ANO10: variants seen among roughly 807,000 people sequenced by gnomAD.
The protein encoded by ANO10 is anoctamin-10.
In ANO10, 77 loss-of-function variants were observed where a neutral mutation model predicts 74.7. The observed-to-expected ratio is 1.03, with a 90% CI of 0.86 to 1.25. The LOEUF is 1.25. Among genes scored for constraint, ANO10 ranks in the 50% most tolerant of loss-of-function variants. The pLI is 0.00. For synonymous variants in ANO10, 279 were observed against 284.9 expected, an observed-to-expected ratio of 0.98 and a Z score of 0.21; for missense variants, 721 against 778.1, an observed-to-expected ratio of 0.93 and a Z score of 0.87.
chr3:43,510,379 C>A (rs537190820), intron 11 of ANO10, among the ~76,000 whole-genome samples: 2 of 146,946 alleles, frequency 1.4e-5, no homozygotes, highest in African/African-American at 5.1e-5. Context: ...TGCAGTGAGC[C>A]GAGATTGTGC....
intron 12 of ANO10, among the ~76,000 whole-genome samples, chr3:43,412,482 G>A (rs1036867083): frequency 1.3e-5 from 2 of 152,182 alleles, no homozygotes; most frequent in Non-Finnish European, 2.9e-5. Context: ...CAGCTGCTCT[G>A]GCGCATTCTC....
chr3:43,398,193 A>C lies in ANO10; in HGVS notation c.1915-31219T>G, dbSNP rs966591538. On this transcript the variant is annotated intron_variant, in intron 12 of 12. Transcript: ENST00000292246. The stretch of plus-strand genomic sequence containing the variant: ...GGTTGTTTAGAACAAATAACAACAA[A>C]TATTGATATGGCAACTTAACAACAA... 6.6e-5 allele frequency among the ~76,000 whole-genome samples: 10 copies of C among 152,368 alleles called. No individual in the cohort carries two copies. In the East Asian group the frequency reaches 7.7e-4, roughly 12 times the overall value.
chr3:43,480,079 T>C (rs2076209528), intron 11 of ANO10, among the ~76,000 whole-genome samples: 1 of 152,150 alleles, frequency 6.6e-6, no homozygotes, highest in Non-Finnish European at 1.5e-5. Context: ...GGTGGGAACA[T>C]TCAGAGAATA....
At chr3:43,543,033 A>G (rs2079023703) in intron 11 of ANO10, among the ~76,000 whole-genome samples, 1 of 152,210 alleles carries the variant, frequency 6.6e-6, no homozygotes, top group Admixed American at 6.5e-5. Context: ...AGTCAAGGGA[A>G]TGGGCTCACA....
intron 11 of ANO10, among the ~76,000 whole-genome samples, chr3:43,457,782 G>A (rs1286249107): frequency 6.6e-6 from 1 of 152,158 alleles, no homozygotes; most frequent in African/African-American, 2.4e-5. Context: ...CTGCAAGGAG[G>A]AGATCAGTAC....
At chr3:43,555,250 A>T (rs2079682719) in intron 10 of ANO10, 28 bp downstream of exon 10, 1 of 1,606,634 alleles carries the variant, frequency 6.2e-7, no homozygotes, top group Non-Finnish European at 8.5e-7. Context: ...TATTTTTTAA[A>T]GGAATAATTT....
chr3:43,671,854 A>G (rs749437235), intron 1 of ANO10, among the ~76,000 whole-genome samples: 2 of 152,204 alleles, frequency 1.3e-5, no homozygotes, highest in Non-Finnish European at 2.9e-5. Flanking sequence ...AAGAGACTTC[A>G]CTAAGGAGAG....
chr3:43,378,627 A>G (rs2091877685), intron 12 of ANO10, among the ~76,000 whole-genome samples: 1 of 152,202 alleles, frequency 6.6e-6, no homozygotes, highest in Non-Finnish European at 1.5e-5. Context: ...TTAAAACTCT[A>G]TATCCCCTCA....
intron 12 of ANO10, among the ~76,000 whole-genome samples, chr3:43,395,895 G>A (rs1444674614): frequency 1.3e-5 from 2 of 152,122 alleles, no homozygotes; most frequent in African/African-American, 4.8e-5. Flanking sequence ...TATAGTCTCT[G>A]TCACAATGAC....
chr3:43,416,045 G>C (rs2092733969), intron 12 of ANO10, among the ~76,000 whole-genome samples: 1 of 151,610 alleles, frequency 6.6e-6, no homozygotes, highest in Non-Finnish European at 1.5e-5. Flanking sequence ...AGTCTACCTG[G>C]ATTTATTCTA....
chr3:43,467,731 T>A (rs1241483839), intron 11 of ANO10, among the ~76,000 whole-genome samples: 1 of 152,224 alleles, frequency 6.6e-6, no homozygotes, highest in Non-Finnish European at 1.5e-5. Flanking sequence ...TCCTCTTTAT[T>A]GTATGTAAAT....
chr3:43,554,141 T>C (rs1269156467), intron 10 of ANO10, among the ~76,000 whole-genome samples: 2 of 152,042 alleles, frequency 1.3e-5, no homozygotes, highest in African/African-American at 4.8e-5. Flanking sequence ...TCTTTTCTCA[T>C]TAAGCTTGAT....
chr3:43,427,667 G>A (rs981314824), intron 12 of ANO10, among the ~76,000 whole-genome samples: 10 of 152,154 alleles, frequency 6.6e-5, no homozygotes, highest in Non-Finnish European at 1.2e-4. Context: ...CCTGACAGAA[G>A]CTCTCTCTGC....
At chr3:43,438,615 C>T (rs556937511) in intron 11 of ANO10, among the ~76,000 whole-genome samples, 6 of 152,190 alleles carry the variant, frequency 3.9e-5, no homozygotes, top group Non-Finnish European at 7.4e-5. Flanking sequence ...GGCGTGGTGG[C>T]AGCCACCTGT....
chr3:43,396,902 T>A (rs2092392471), intron 12 of ANO10, among the ~76,000 whole-genome samples: 1 of 151,998 alleles, frequency 6.6e-6, no homozygotes, highest in Admixed American at 6.6e-5. Context: ...GCTAATCCCA[T>A]CCAGTGTATT....
chr3:43,574,682 C>T (rs1419469956), intron 7 of ANO10, 127 bp downstream of exon 7: 2 of 762,758 alleles, frequency 2.6e-6, no homozygotes, highest in Admixed American at 2.2e-5. Flanking sequence ...TTAATCAATC[C>T]TTGCCTATTT....
At chr3:43,666,332 T>G (rs2083991723) in intron 1 of ANO10, among the ~76,000 whole-genome samples, 1 of 152,170 alleles carries the variant, frequency 6.6e-6, no homozygotes, top group African/African-American at 2.4e-5. Context: ...GGAGTATGAA[T>G]TATCTCATTC....
intron 12 of ANO10, among the ~76,000 whole-genome samples, chr3:43,426,504 C>G (rs2092902159): frequency 6.6e-6 from 1 of 152,240 alleles, no homozygotes; most frequent in South Asian, 2.1e-4. Context: ...TTAACTGATT[C>G]CTGAGGCTGT....
intron 1 of ANO10, among the ~76,000 whole-genome samples, chr3:43,634,489 A>G (rs1336184414): frequency 6.6e-6 from 1 of 152,142 alleles, no homozygotes; most frequent in African/African-American, 2.4e-5. Context: ...GTTACATATG[A>G]TATAGATTGT....
Sources: gnomAD v4.1 joint callset for allele counts (sites outside exome capture counted in the v4.1 genomes callset) on GRCh38, gnomAD v4.1.1 for gene constraint, MANE v1.5 for transcripts, NCBI Gene and HGNC (gene_info 2026-07-23, HGNC 2026-07-21) for gene names.